Variants in DNAH14 observed in about 807,000 individuals in gnomAD.
DNAH14 encodes the protein dynein axonemal heavy chain 14.
In DNAH14, 478 loss-of-function variants were observed where a neutral mutation model predicts 520.9. The observed-to-expected ratio is 0.92, with a 90% confidence interval of 0.85 to 0.99. The LOEUF (loss-of-function observed/expected upper bound fraction) is 0.99. Among genes scored for constraint, DNAH14 ranks in the 50% least tolerant of loss-of-function variants. The pLI is 0.00. For synonymous variants in DNAH14, 1,581 were observed against 1,757.2 expected (o/e 0.90, Z 2.51); for missense variants, 4,831 against 5,234.5 (o/e 0.92, Z 2.38).
intron 76 of DNAH14, among the ~76,000 whole-genome samples, chr1:225,365,234 T>C (rs1177750448): frequency 6.6e-6 from 1 of 152,220 alleles, no homozygotes; most frequent in African/African-American, 2.4e-5. Flanking sequence ...TTATTATTAA[T>C]TCTCTAGAAA....
intron 38 of DNAH14, among the ~76,000 whole-genome samples, chr1:225,196,181 C>G (rs562695257): frequency 4.6e-5 from 7 of 152,088 alleles, no homozygotes; most frequent in Non-Finnish European, 7.4e-5. Flanking sequence ...CCTACCCATT[C>G]CCCCTGGATC....
intron 17 of DNAH14, among the ~76,000 whole-genome samples, chr1:225,056,171 A>G (rs2069067316): frequency 6.6e-6 from 1 of 151,818 alleles, no homozygotes; most frequent in African/African-American, 2.4e-5. Flanking sequence ...AAGTGCTCCT[A>G]TTTCTCCACA....
At chr1:225,370,920 A>T (rs7551643) in intron 77 of DNAH14, among the ~76,000 whole-genome samples, 111,591 of 152,068 alleles carry the variant, frequency 0.73, 43,567 homozygotes, top group East Asian at 0.96. Flanking sequence ...GCCAATGATT[A>T]CTTAGAAAAT....
intron 41 of DNAH14, among the ~76,000 whole-genome samples, chr1:225,215,678 T>G (rs1452459135): frequency 2.6e-5 from 4 of 152,214 alleles, no homozygotes; most frequent in Non-Finnish European, 4.4e-5. Flanking sequence ...TTGATCTTTG[T>G]TGATTTAAAG....
intron 1 of DNAH14, among the ~76,000 whole-genome samples, chr1:224,936,872 G>C (rs1187562024): frequency 6.6e-6 from 1 of 151,856 alleles, no homozygotes; most frequent in Non-Finnish European, 1.5e-5. Flanking sequence ...TATTCTCCAT[G>C]ATCAATTGAG....
chr1:224,940,971 A>G (rs185605864), intron 1 of DNAH14, among the ~76,000 whole-genome samples: 70 of 152,282 alleles, frequency 4.6e-4, no homozygotes, highest in African/African-American at 1.6e-3. Flanking sequence ...TAGTGCCGCA[A>G]TTAACGTACC....
In DNAH14 at chr1:225,239,185, A is replaced by G. The variant is rs1040850586; in HGVS notation, c.6519-1408A>G. Among the ~76,000 whole-genome samples the G allele has an allele frequency of 2.6e-5, 4 of 152,002 alleles. No individual in the cohort carries two copies. In the East Asian group the frequency reaches 7.7e-4, roughly 29 times the overall value. On this transcript the variant is annotated intron_variant, in intron 42 of 85. Transcript: ENST00000682510. ...GCCCTTTTCCTATCAGAAATTATGG[A>G]TAGATCTCCTGTCTTTCTGAGATTC...
Position 225,207,157 on chromosome 1 carries a change from A to G in DNAH14, c.6376A>G (p.Thr2126Ala). Residue 2126 changes from threonine (T) to alanine (A), a missense_variant, in exon 41 of 86, where the codon ACC (threonine) becomes GCC (alanine). Coordinates refer to ENST00000682510, the MANE Select transcript of DNAH14 (RefSeq NM_001367479.1). ...YPMEDITVVI[T>A]LCRILDAFFD... The stretch of plus-strand genomic sequence containing the variant: ...TATGGAGGACATAACAGTCGTCATA[A>G]CCCTCTGCAGAATTCTTGATGCTTT... 4.5e-6 allele frequency: 7 copies of G among 1,547,226 alleles called. No homozygotes were observed. The highest frequency in any genetic ancestry group is 6.1e-6 in the Non-Finnish European group (7 of 1,145,230).
chr1:225,094,380 G>T (rs1281337434), intron 21 of DNAH14, among the ~76,000 whole-genome samples: 2 of 151,750 alleles, frequency 1.3e-5, no homozygotes, highest in Non-Finnish European at 2.9e-5. Context: ...CATAGGGGAA[G>T]AATTTTATAT....
chr1:225,026,315 A>G (rs1271907906), intron 11 of DNAH14, among the ~76,000 whole-genome samples: 2 of 151,832 alleles, frequency 1.3e-5, no homozygotes, highest in South Asian at 2.1e-4. Context: ...CTTTAAGTGT[A>G]TCTAAGAAAT....
intron 54 of DNAH14, among the ~76,000 whole-genome samples, chr1:225,286,899 TAAAAAG>T (rs1388331665): frequency 6.6e-6 from 1 of 151,882 alleles, no homozygotes; most frequent in Non-Finnish European, 1.5e-5. Flanking sequence ...TATTAAGAGA[TAAAAAG>T]AAATGAGCTC....
intron 27 of DNAH14, among the ~76,000 whole-genome samples, chr1:225,127,476 C>T (rs1431264933): frequency 2.0e-5 from 3 of 152,050 alleles, no homozygotes. Context: ...CCTTCTTTGT[C>T]TCCTTTGATC....
chr1:224,979,663 A>G (rs1335652325), intron 8 of DNAH14, among the ~76,000 whole-genome samples: 1 of 152,200 alleles, frequency 6.6e-6, no homozygotes, highest in Non-Finnish European at 1.5e-5. Context: ...TGGAAAGGCT[A>G]AGAGAGTGCT....
intron 12 of DNAH14, among the ~76,000 whole-genome samples, chr1:225,040,196 C>T (rs111633780): frequency 0.058 from 8,762 of 152,144 alleles, 346 homozygotes; most frequent in Non-Finnish European, 0.078. Flanking sequence ...GCCTCGGCCT[C>T]CCGAAGTGTT....
chr1:225,258,194 T>C lies in DNAH14; in HGVS notation c.7024+76T>C, dbSNP rs143022069. 1.4e-3 allele frequency: 1,809 copies of C among 1,277,364 alleles called. 27 individuals carry two copies. In the African/African-American group the frequency reaches 0.025, roughly 17 times the overall value. 79.1% of individuals were successfully genotyped at this position (1,277,364 alleles called of 1,614,324 possible). ...ACAGATATTTGGTCTAACTATCTTA[T>C]TTTGTAAGTGGGAAAAAAATATACA... On this transcript the variant is annotated intron_variant, in intron 45 of 85. Coordinates refer to ENST00000682510, the MANE Select transcript of DNAH14 (RefSeq NM_001367479.1).
intron 69 of DNAH14, among the ~76,000 whole-genome samples, chr1:225,341,607 G>A (rs1016782911): frequency 3.3e-5 from 5 of 152,060 alleles, no homozygotes; most frequent in African/African-American, 7.2e-5. Context: ...TGGAGGTTGC[G>A]GTGAGTCAAG....
At chr1:225,222,518 G>A (rs373533896) in intron 41 of DNAH14, among the ~76,000 whole-genome samples, 8 of 152,244 alleles carry the variant, frequency 5.3e-5, no homozygotes, top group African/African-American at 1.7e-4. Context: ...GAGGGTTGCC[G>A]CTGCTGGCTG....
At chr1:225,222,072 G>T (rs146416699) in intron 41 of DNAH14, among the ~76,000 whole-genome samples, 1 of 152,292 alleles carries the variant, frequency 6.6e-6, no homozygotes, top group African/African-American at 2.4e-5. Flanking sequence ...CAGGCAACCT[G>T]TGTCAGCATA....
chr1:225,199,793 GA>G (rs1157783947), intron 38 of DNAH14, among the ~76,000 whole-genome samples: 1 of 152,128 alleles, frequency 6.6e-6, no homozygotes, highest in Admixed American at 6.6e-5. Flanking sequence ...ATGCACTGAT[GA>G]ATAGAATGTA....
Sources: gnomAD v4.1 joint callset for allele counts (sites outside exome capture counted in the v4.1 genomes callset) on GRCh38, gnomAD v4.1.1 for gene constraint, MANE v1.5 for transcripts, NCBI Gene and HGNC (gene_info 2026-07-23, HGNC 2026-07-21) for gene names.